SLCO2B1: variants seen among roughly 807,000 people sequenced by gnomAD.
SLCO2B1 encodes OATP-RP2.
In SLCO2B1, 41 loss-of-function variants were observed where a neutral mutation model predicts 67.3. That is an observed-to-expected ratio of 0.61 (90% CI 0.47 to 0.79). The LOEUF is 0.79. Ranked by LOEUF, SLCO2B1 falls within the 30% of genes least tolerant of loss-of-function variation. The pLI, the probability that SLCO2B1 is intolerant of heterozygous loss-of-function variation, is 0.00. For missense variants in SLCO2B1, 837 were observed against 920.1 expected (o/e 0.91, Z 1.17); for synonymous variants, 379 against 381.4 (o/e 0.99, Z 0.07).
chr11:75,196,307 G>A, intron 9 of SLCO2B1: 1 of 572,216 alleles, frequency 1.7e-6, no homozygotes, highest in Non-Finnish European at 3.1e-6. Flanking sequence ...AGGCTTGTAG[G>A]ATTGAGGGGG....
chr11:75,159,046 G>A (rs948637635), intron 1 of SLCO2B1, among the ~76,000 whole-genome samples: 4 of 152,238 alleles, frequency 2.6e-5, no homozygotes, highest in African/African-American at 9.6e-5. Context: ...CCTGGGAAAC[G>A]AAGTTTGTGG....
chr11:75,163,973 T>A lies in SLCO2B1; in HGVS notation c.158T>A (p.Leu53Gln). The change falls in exon 3 of 14, where the codon CTG becomes CAG. Residue 53 changes from leucine (L) to glutamine (Q), a missense_variant. Coordinates refer to ENST00000289575, the MANE Select transcript of SLCO2B1 (RefSeq NM_007256.5). ...CGGGTCCCCCCACAGCTGTTCGTTC[T>A]GTGCCACAGCCTGCTGCAGCTGGCG... ...SVFHNIKLFV[L>Q]CHSLLQLAQL... The A allele has an allele frequency of 1.2e-6, 2 of 1,600,998 alleles. No individual in the cohort carries two copies. The highest frequency in any genetic ancestry group is 1.1e-5 in the South Asian group (1 of 88,590).
chr11:75,193,699 C>T lies in SLCO2B1; in HGVS notation c.1433+124C>T. The T allele has an allele frequency of 1.2e-6, 1 of 802,462 alleles. No individual in the cohort carries two copies. The highest frequency in any genetic ancestry group is 1.9e-6 in the Non-Finnish European group (1 of 523,642). 49.7% of individuals were successfully genotyped at this position (802,462 alleles called of 1,614,324 possible). The stretch of plus-strand genomic sequence containing the variant: ...CTCAAATCTTGCCTCCCCAGTTCTG[C>T]TTAACAGCCCTTTAGAGATTCGAGT... On this transcript the variant is annotated intron_variant, in intron 9 of 13. Coordinates refer to ENST00000289575, the MANE Select transcript of SLCO2B1 (RefSeq NM_007256.5). The surrounding 1 kb of genome is among the most constrained non-coding windows in gnomAD (Gnocchi z 4.2).
At chr11:75,169,470 G>T in intron 5 of SLCO2B1, 64 bp downstream of exon 5, 1 of 1,440,416 alleles carries the variant, frequency 6.9e-7, no homozygotes, top group Non-Finnish European at 9.4e-7. Context: ...GAGGAAGAGA[G>T]ACCCAGGGTT....
At chr11:75,202,586 T>C in intron 11 of SLCO2B1, 1 of 347,918 alleles carries the variant, frequency 2.9e-6, no homozygotes, top group South Asian at 5.3e-5. Flanking sequence ...TTGCCAACTG[T>C]AGGAGTAAGG....
chr11:75,179,218 ATTTTTTTTTTTT>A (rs373993870), intron 7 of SLCO2B1, among the ~76,000 whole-genome samples: 21 of 66,688 alleles, frequency 3.1e-4, no homozygotes, highest in African/African-American at 9.8e-4. Context: ...GATACATGAG[ATTTTTTTTTTTT>A]TTTTTTTTTT....
intron 9 of SLCO2B1, among the ~76,000 whole-genome samples, chr11:75,194,914 C>T (rs1945078753): frequency 6.6e-6 from 1 of 152,144 alleles, no homozygotes; most frequent in Non-Finnish European, 1.5e-5. Flanking sequence ...GGTTCTAATT[C>T]ACTGAAGAGA....
chr11:75,176,328 T>C (rs1950022820), intron 7 of SLCO2B1, among the ~76,000 whole-genome samples: 1 of 152,196 alleles, frequency 6.6e-6, no homozygotes, highest in East Asian at 1.9e-4. Flanking sequence ...AGAGAGCTAC[T>C]TCCTGGCAGG....
chr11:75,187,553 T>G (rs1944955093), intron 7 of SLCO2B1, among the ~76,000 whole-genome samples: 1 of 152,194 alleles, frequency 6.6e-6, no homozygotes, highest in Admixed American at 6.5e-5. Context: ...ATACTGATCT[T>G]GGTGAAGACA....
chr11:75,202,201 A>C (rs1164168151), intron 11 of SLCO2B1: 3 of 152,232 alleles, frequency 2.0e-5, no homozygotes, highest in African/African-American at 4.8e-5. Flanking sequence ...AGCCTCTTGC[A>C]AATACCAGAA....
intron 7 of SLCO2B1, among the ~76,000 whole-genome samples, chr11:75,174,315 G>A (rs1306624737): frequency 6.8e-6 from 1 of 146,982 alleles, no homozygotes; most frequent in African/African-American, 2.5e-5. Context: ...AAATCCTGTT[G>A]AATGTTTTTG....
intron 3 of SLCO2B1, among the ~76,000 whole-genome samples, chr11:75,165,085 C>T (rs1191060012): frequency 6.6e-6 from 1 of 152,174 alleles, no homozygotes; most frequent in Non-Finnish European, 1.5e-5. Flanking sequence ...CCTGCATGCA[C>T]TGAAGTCACC....
chr11:75,177,132 A>G (rs559964308), intron 7 of SLCO2B1, among the ~76,000 whole-genome samples: 1 of 152,078 alleles, frequency 6.6e-6, no homozygotes, highest in East Asian at 1.9e-4. Context: ...AGGGAGGAGG[A>G]GGAGGGGCAT....
intron 11 of SLCO2B1, chr11:75,200,632 T>A: frequency 2.3e-6 from 1 of 435,352 alleles, no homozygotes; most frequent in Admixed American, 4.0e-5. Context: ...ATAGCAAGTG[T>A]TGGGTGGAAT....
chr11:75,158,693 A>C (rs1949774934), intron 1 of SLCO2B1, among the ~76,000 whole-genome samples: 1 of 152,146 alleles, frequency 6.6e-6, no homozygotes, highest in Non-Finnish European at 1.5e-5. Context: ...TGTTATATTC[A>C]CCTTACAAAT....
At chr11:75,156,757 T>C (rs1443039877) in intron 1 of SLCO2B1, among the ~76,000 whole-genome samples, 1 of 152,234 alleles carries the variant, frequency 6.6e-6, no homozygotes, top group Non-Finnish European at 1.5e-5. Context: ...CCCATTTTTA[T>C]GGTTATTTCA....
At chr11:75,158,202 G>A (rs1949770018) in intron 1 of SLCO2B1, among the ~76,000 whole-genome samples, 1 of 152,148 alleles carries the variant, frequency 6.6e-6, no homozygotes, top group African/African-American at 2.4e-5. Context: ...GGCCTCCCGA[G>A]TAGCTGGGAT....
intron 3 of SLCO2B1, 102 bp from the exon 4 acceptor site, chr11:75,165,684 TA>T: frequency 7.8e-7 from 1 of 1,277,322 alleles, no homozygotes; most frequent in Admixed American, 1.9e-5. Flanking sequence ...TTCAGTCCAT[TA>T]TTCAGATGGG....
intron 10 of SLCO2B1, among the ~76,000 whole-genome samples, chr11:75,198,840 C>T (rs1005616505): frequency 2.6e-5 from 4 of 152,086 alleles, no homozygotes; most frequent in African/African-American, 7.3e-5. Context: ...GGCAGGTGGG[C>T]GCCTGAACAG....
Sources: allele counts gnomAD v4.1 joint callset (sites outside exome capture counted in the v4.1 genomes callset), GRCh38; gene constraint gnomAD v4.1.1; non-coding constraint Gnocchi (gnomAD v3.1); transcripts MANE v1.5; gene names NCBI Gene and HGNC (gene_info 2026-07-23, HGNC 2026-07-21).